TBC1D14: variants seen among roughly 807,000 people sequenced by gnomAD.
TBC1D14 encodes TBC1 domain family, member 14.
A neutral mutation model predicts 79.0 loss-of-function variants in TBC1D14; 26 were observed. That is an observed-to-expected ratio of 0.33 (90% CI 0.24 to 0.46). The LOEUF (loss-of-function observed/expected upper bound fraction) is 0.46. Among genes scored for constraint, TBC1D14 ranks in the 20% least tolerant of loss-of-function variants. TBC1D14 has a pLI of 1.00. For missense variants in TBC1D14, 769 were observed against 887.6 expected, an observed-to-expected ratio of 0.87 and a Z score of 1.70; for synonymous variants, 394 against 349.9, an observed-to-expected ratio of 1.13 and a Z score of -1.40.
chr4:7,024,934 C>T (rs1722197169), intron 12 of TBC1D14, 70 bp from the exon 13 acceptor site: 5 of 1,581,758 alleles, frequency 3.2e-6, no homozygotes, highest in Non-Finnish European at 4.3e-6. Flanking sequence ...TGGAATCAGA[C>T]TGGAATTCAC....
intron 13 of TBC1D14, among the ~76,000 whole-genome samples, chr4:7,026,311 C>T (rs920930731): frequency 1.3e-5 from 2 of 152,166 alleles, no homozygotes; most frequent in African/African-American, 4.8e-5. Context: ...CATATTGAAG[C>T]GAGTCCCAGG....
In TBC1D14 at chr4:7,014,520, A is replaced by G; in HGVS notation, c.1720A>G (p.Lys574Glu). ...GCCGAAATTATTTGCGCATTTCAAG[A>G]AGAACAACCTAACTCCAGATATCTA... The part of the protein sequence containing the change: ...NLPKLFAHFK[K>E]NNLTPDIYLI... The change falls in exon 12 of 14, where the codon AAG (lysine) becomes GAG (glutamate). Residue 574 changes from lysine to glutamate, a missense_variant. Around this residue, in one of 2 missense-constraint regions of TBC1D14, gnomAD observed 367 missense variants for 494.4 expected, o/e 0.74. Coordinates refer to ENST00000409757, the MANE Select transcript of TBC1D14 (RefSeq NM_020773.3). 1.2e-6 allele frequency: 2 copies of G among 1,613,984 alleles called. No homozygotes were observed. Among genetic ancestry groups the G allele is most frequent in the South Asian group, 2.2e-5 (2 of 91,074 alleles).
intron 2 of TBC1D14, 87 bp from the exon 3 acceptor site, chr4:6,967,217 G>A: frequency 1.3e-6 from 2 of 1,529,112 alleles, no homozygotes; most frequent in Admixed American, 2.1e-5. Flanking sequence ...GAGGAAAGCT[G>A]ACTTGTTTTT....
chr4:6,994,328 AGT>A, intron 4 of TBC1D14, 26 bp downstream of exon 4: 1 of 1,600,482 alleles, frequency 6.2e-7, no homozygotes, highest in Non-Finnish European at 8.6e-7. Context: ...CTCTCTTTAG[AGT>A]GTTTGCTTTA....
intron 7 of TBC1D14, 58 bp from the exon 8 acceptor site, chr4:7,004,786 G>A: frequency 2.7e-6 from 4 of 1,494,746 alleles, no homozygotes; most frequent in Non-Finnish European, 3.7e-6. Flanking sequence ...GTGTTCTGTG[G>A]TGGTTTTGAC....
intron 3 of TBC1D14, among the ~76,000 whole-genome samples, chr4:6,988,805 C>T (rs1718151414): frequency 6.6e-6 from 1 of 151,870 alleles, no homozygotes; most frequent in African/African-American, 2.4e-5. Flanking sequence ...TTGTAGTGTT[C>T]CTCCAGTTCA....
At position 7,008,138 on chromosome 4, in the gene TBC1D14, C is replaced by T. The variant is rs149169409; in HGVS notation, c.1446+1412C>T. Among the ~76,000 whole-genome samples, 15 of 152,262 alleles carry T rather than the reference C, an allele frequency of 9.9e-5. No individual in the cohort carries two copies. The East Asian group carries it at 2.7e-3, about 27-fold the overall frequency. Reference sequence around the variant, plus strand: ...CTTTTTGTTATTAAATCTCTTTGAACGTAATTTGAAACTGAAAGACAACTA... The same window carrying T: ...CTTTTTGTTATTAAATCTCTTTGAATGTAATTTGAAACTGAAAGACAACTA... On this transcript the variant is annotated intron_variant, in intron 9 of 13. Coordinates refer to ENST00000409757, the MANE Select transcript of TBC1D14 (RefSeq NM_020773.3).
At chr4:6,971,536 T>G (rs1716229984) in intron 3 of TBC1D14, among the ~76,000 whole-genome samples, 1 of 152,208 alleles carries the variant, frequency 6.6e-6, no homozygotes, top group African/African-American at 2.4e-5. Flanking sequence ...TGCATAAACA[T>G]TTTGAAAATT....
At chr4:6,925,383 G>A (rs1195457262) in intron 2 of TBC1D14, among the ~76,000 whole-genome samples, 1 of 152,196 alleles carries the variant, frequency 6.6e-6, no homozygotes, top group African/African-American at 2.4e-5. Context: ...TGGCTGCCCC[G>A]TGTGTGTGTC....
At chr4:6,938,030 C>T (rs1283873840) in intron 2 of TBC1D14, among the ~76,000 whole-genome samples, 2 of 152,106 alleles carry the variant, frequency 1.3e-5, no homozygotes, top group Non-Finnish European at 2.9e-5. Flanking sequence ...CTTCATTCCA[C>T]TCCTCCCGGG....
chr4:6,974,153 T>C (rs1451925885), intron 3 of TBC1D14, among the ~76,000 whole-genome samples: 1 of 152,148 alleles, frequency 6.6e-6, no homozygotes, highest in Middle Eastern at 3.2e-3. Flanking sequence ...GGCCTAGTTT[T>C]ATTTTTTACT....
Position 7,004,891 on chromosome 4 carries a change from C to T in TBC1D14, c.1318C>T (p.Leu440Phe). The T allele has an allele frequency of 1.2e-6, 2 of 1,614,118 alleles. No individual in the cohort carries two copies. Among genetic ancestry groups the T allele is most frequent in the Non-Finnish European group, 1.7e-6 (2 of 1,180,014 alleles). Residue 440 changes from leucine to phenylalanine, a missense_variant, in exon 8 of 14, where the codon CTT becomes TTT. This residue lies in a region of TBC1D14 where 367 missense variants were observed against 494.4 expected (regional missense o/e 0.74). Coordinates refer to ENST00000409757, the MANE Select transcript of TBC1D14 (RefSeq NM_020773.3). The stretch of plus-strand genomic sequence containing the variant: ...CCGAGCCAAGGAGAGGTGGCGGTCC[C>T]TTAGCACAGGAGGCTCTGAAGTGGA... ...LARAKERWRS[L>F]STGGSEVENE...
At chr4:6,956,818 C>A (rs894691515) in intron 2 of TBC1D14, among the ~76,000 whole-genome samples, 4 of 152,234 alleles carry the variant, frequency 2.6e-5, no homozygotes, top group African/African-American at 7.2e-5. Flanking sequence ...GGGTCTGTGG[C>A]CGGGCTCAGG....
intron 3 of TBC1D14, among the ~76,000 whole-genome samples, chr4:6,968,241 G>A (rs1477428750): frequency 6.6e-6 from 1 of 152,152 alleles, no homozygotes; most frequent in East Asian, 1.9e-4. Flanking sequence ...CACCGGAGTT[G>A]GAAGGGACAC....
In TBC1D14 at chr4:6,923,855, G is replaced by T. The variant is rs780443454; in HGVS notation, c.466G>T (p.Val156Phe). 9 of 1,614,162 alleles carry T rather than the reference G, an allele frequency of 5.6e-6. No individual in the cohort carries two copies. Among genetic ancestry groups the T allele is most frequent in the Admixed American group, 1.7e-5 (1 of 60,030 alleles). ...KALTRSDDVS[V>F]CSVSSLGTEL... ...CCTGACCCGCAGCGATGATGTCTCC[G>T]TCTGCAGCGTGTCCAGTCTTGGGAC... Residue 156 changes from valine to phenylalanine, a missense_variant, in exon 2 of 14, where the codon GTC becomes TTC. Transcript: ENST00000409757.
intron 3 of TBC1D14, among the ~76,000 whole-genome samples, chr4:6,986,984 T>C (rs1223215964): frequency 6.6e-6 from 1 of 152,204 alleles, no homozygotes; most frequent in Non-Finnish European, 1.5e-5. Flanking sequence ...TTCTCAGCTC[T>C]CGGGTGATCT....
chr4:7,013,133 G>A (rs1197092990), intron 11 of TBC1D14, among the ~76,000 whole-genome samples: 1 of 152,182 alleles, frequency 6.6e-6, no homozygotes, highest in African/African-American at 2.4e-5. Flanking sequence ...GTTGAGTGGG[G>A]TCTTCATGAC....
At chr4:6,992,362 C>G (rs554904530) in intron 3 of TBC1D14, among the ~76,000 whole-genome samples, 1 of 152,190 alleles carries the variant, frequency 6.6e-6, no homozygotes, top group Non-Finnish European at 1.5e-5. Context: ...TGGGCCGGCT[C>G]AGGGCGGCAG....
chr4:6,922,793 C>T (rs950808755), intron 1 of TBC1D14, among the ~76,000 whole-genome samples: 7 of 152,174 alleles, frequency 4.6e-5, no homozygotes, highest in African/African-American at 1.7e-4. Context: ...CCTGGTGCTG[C>T]CCTGGGGATG....
Sources: gnomAD v4.1 joint callset for allele counts (sites outside exome capture counted in the v4.1 genomes callset) on GRCh38, gnomAD v4.1.1 for gene constraint, gnomAD v4.1.1 regional missense constraint, MANE v1.5 for transcripts, NCBI Gene and HGNC (gene_info 2026-07-23, HGNC 2026-07-21) for gene names.